Variants in WFDC8 observed in about 807,000 individuals in gnomAD.
WFDC8 encodes WAP four-disulfide core domain protein 8.
Under a neutral mutation model 27.0 loss-of-function variants are expected in WFDC8, and 24 were observed. That is an observed-to-expected ratio of 0.89 (90% CI 0.64 to 1.25). The LOEUF (loss-of-function observed/expected upper bound fraction) is 1.25, where lower values mean the gene tolerates loss of function less well. Among genes scored for constraint, WFDC8 ranks in the 50% most tolerant of loss-of-function variants. The pLI, the probability that WFDC8 is intolerant of heterozygous loss-of-function variation, is 0.00. For missense variants in WFDC8, 287 were observed against 295.9 expected, an observed-to-expected ratio of 0.97 and a Z score of 0.22; for synonymous variants, 106 against 99.7, an observed-to-expected ratio of 1.06 and a Z score of -0.38.
Position 45,555,780 on chromosome 20 carries a change from G to T in WFDC8, c.366C>A (p.Pro122=). 3.1e-6 allele frequency: 5 copies of T among 1,613,762 alleles called. No individual in the cohort carries two copies. Among genetic ancestry groups the T allele is most frequent in the Non-Finnish European group, 4.2e-6 (5 of 1,180,018 alleles). ...TCCCTTCGCAGCCCCTGTATTTGAA[G>T]GGTGTGCAGCGGTAATTTTTAAAGT... ...HFDFKNYRCT[P]FKYRGCEGNA... is the part of the protein sequence containing the mutation. Residue 122 remains proline (P), a synonymous_variant, in exon 4 of 6, where the codon CCC becomes CCA. Coordinates refer to ENST00000289953, the MANE Select transcript of WFDC8 (RefSeq NM_130896.3).
chr20:45,574,523 G>A (rs1418260983), intron 1 of WFDC8, among the ~76,000 whole-genome samples: 1 of 152,086 alleles, frequency 6.6e-6, no homozygotes, highest in East Asian at 1.9e-4. Flanking sequence ...AGCCAAGCAT[G>A]GTGGGTCACA....
At chr20:45,557,227 C>T (rs1030826694) in intron 3 of WFDC8, among the ~76,000 whole-genome samples, 1 of 152,196 alleles carries the variant, frequency 6.6e-6, no homozygotes, top group African/African-American at 2.4e-5. Flanking sequence ...ACTACCACTT[C>T]TTCAAGCATC....
intron 1 of WFDC8, among the ~76,000 whole-genome samples, chr20:45,573,058 C>G (rs1320160137): frequency 6.6e-6 from 1 of 152,224 alleles, no homozygotes; most frequent in Non-Finnish European, 1.5e-5. Context: ...TTCTCTCACT[C>G]TATGAGTTGT....
chr20:45,559,300 T>C (rs1270797991), intron 2 of WFDC8, among the ~76,000 whole-genome samples: 2 of 152,228 alleles, frequency 1.3e-5, no homozygotes. Flanking sequence ...TGAAACCTAA[T>C]ATTTTAATGC....
chr20:45,564,236 CTAGGACAGACCTGGA>C (rs1980566408), intron 1 of WFDC8, among the ~76,000 whole-genome samples: 1 of 152,140 alleles, frequency 6.6e-6, no homozygotes, highest in East Asian at 1.9e-4. Flanking sequence ...ACCTGGAATA[CTAGGACAGACCTGGA>C]ATACACGGAC....
At chr20:45,552,278 C>A in intron 5 of WFDC8, 113 bp from the exon 6 acceptor site, 1 of 1,281,730 alleles carries the variant, frequency 7.8e-7, no homozygotes. Context: ...AAGCTTCTTA[C>A]CTTTCCCCCT....
intron 3 of WFDC8, among the ~76,000 whole-genome samples, chr20:45,558,052 G>A (rs949336114): frequency 2.0e-5 from 3 of 152,028 alleles, no homozygotes; most frequent in Admixed American, 1.3e-4. Context: ...CTAAGCTAAC[G>A]TGAGTGACTT....
intron 3 of WFDC8, among the ~76,000 whole-genome samples, chr20:45,556,388 C>T (rs905641040): frequency 1.3e-5 from 2 of 151,912 alleles, no homozygotes; most frequent in Non-Finnish European, 2.9e-5. Context: ...AAAGCAAATT[C>T]GAGTGATTTT....
chr20:45,562,586 G>A (rs538625148), intron 1 of WFDC8, among the ~76,000 whole-genome samples: 1 of 152,222 alleles, frequency 6.6e-6, no homozygotes, highest in Non-Finnish European at 1.5e-5. Flanking sequence ...CCAGACACTA[G>A]TGAGCATCTT....
intron 2 of WFDC8, among the ~76,000 whole-genome samples, chr20:45,560,058 A>T (rs1471973172): frequency 6.6e-6 from 1 of 152,192 alleles, no homozygotes; most frequent in Non-Finnish European, 1.5e-5. Context: ...AAGATTAGAG[A>T]TTATCTCTAA....
intron 1 of WFDC8, among the ~76,000 whole-genome samples, chr20:45,574,654 C>T (rs1980983857): frequency 6.6e-6 from 1 of 152,062 alleles, no homozygotes; most frequent in African/African-American, 2.4e-5. Context: ...AAAAATTAGC[C>T]AGGCATGGTG....
At chr20:45,556,712 G>GTT in intron 3 of WFDC8, among the ~76,000 whole-genome samples, 1 of 152,156 alleles carries the variant, frequency 6.6e-6, no homozygotes, top group East Asian at 1.9e-4. Flanking sequence ...CGATAGGTGG[G>GTT]TGCCTCATGA....
chr20:45,576,175 AT>A (rs1981039160), intron 1 of WFDC8, among the ~76,000 whole-genome samples: 1 of 151,240 alleles, frequency 6.6e-6, no homozygotes, highest in Non-Finnish European at 1.5e-5. Flanking sequence ...AATCTTTTAC[AT>A]TTTTTGTCCT....
intron 5 of WFDC8, among the ~76,000 whole-genome samples, chr20:45,552,469 A>G (rs1980071263): frequency 6.6e-6 from 1 of 152,260 alleles, no homozygotes; most frequent in Non-Finnish European, 1.5e-5. Flanking sequence ...CAGGAGTATT[A>G]GCACACAGAA....
intron 1 of WFDC8, chr20:45,568,557 G>T: frequency 2.1e-6 from 1 of 473,246 alleles, no homozygotes; most frequent in South Asian, 1.6e-5. Context: ...GGGAGCTAAT[G>T]CCCAACACTA....
chr20:45,551,488 G>C (rs1345551493), downstream of WFDC8: 1 of 152,198 alleles, frequency 6.6e-6, no homozygotes, highest in Non-Finnish European at 1.5e-5. Flanking sequence ...AATTAGCTGG[G>C]CATGATGGTG....
chr20:45,557,509 T>C (rs1380308779), intron 3 of WFDC8, among the ~76,000 whole-genome samples: 1 of 152,204 alleles, frequency 6.6e-6, no homozygotes, highest in African/African-American at 2.4e-5. Context: ...CTCAGCTCAT[T>C]GCAACCTCTG....
chr20:45,573,834 A>G (rs1401504949), intron 1 of WFDC8, among the ~76,000 whole-genome samples: 2 of 152,158 alleles, frequency 1.3e-5, no homozygotes, highest in Non-Finnish European at 2.9e-5. Context: ...CCATAAATGT[A>G]TAGATTTATT....
intron 1 of WFDC8, among the ~76,000 whole-genome samples, chr20:45,576,175 A>G (rs1379220783): frequency 6.6e-6 from 1 of 151,240 alleles, no homozygotes; most frequent in Non-Finnish European, 1.5e-5. Flanking sequence ...AATCTTTTAC[A>G]TTTTTTGTCC....
Sources: allele counts gnomAD v4.1 joint callset (sites outside exome capture counted in the v4.1 genomes callset), GRCh38; gene constraint gnomAD v4.1.1; transcripts MANE v1.5; gene names NCBI Gene and HGNC (gene_info 2026-07-23, HGNC 2026-07-21).